Variants in GPSM3 observed in about 807,000 individuals in gnomAD.
GPSM3 encodes G protein signaling modulator 3.
In GPSM3, 16 loss-of-function variants were observed where a neutral mutation model predicts 20.4. The observed-to-expected ratio is 0.78, with a 90% CI of 0.53 to 1.19. The LOEUF is 1.19. GPSM3 is among the 50% of genes most tolerant of loss of function. The probability of loss-of-function intolerance (pLI) is 0.00; values close to 1 mark genes in which losing one functional copy is unlikely to be tolerated. For missense variants in GPSM3, 177 were observed against 204.6 expected (o/e 0.86, Z 0.82); for synonymous variants, 70 against 79.6 (o/e 0.88, Z 0.64).
In GPSM3 at chr6:32,192,299, G is replaced by A. The variant is rs373880053; in HGVS notation, c.43-49C>T. On this transcript the variant is annotated intron_variant, in intron 1 of 3. Transcript: ENST00000375040. This position sits in a 1 kb window ranked among gnomAD's most constrained non-coding sequence, Gnocchi z 5.1. ...TAGTCAAGCAGTGGTGGTTGAAGCG[G>A]GAGGAGTGGACAGGGGGCTAGGCCA... 2.4e-3 allele frequency: 3,511 copies of A among 1,446,220 alleles called. 119 individuals carry two copies. The South Asian group carries it at 0.04, about 16-fold the overall frequency. 89.6% of individuals were successfully genotyped at this position (1,446,220 alleles called of 1,614,324 possible).
Position 32,192,520 on chromosome 6 carries a change from G to C in GPSM3, c.-7C>G, listed in dbSNP as rs1197852668. ...GGGGTCTCTCAGCCTCCATCCCCTA[G>C]AGGGGAGAAACTGGTGGGGGAGGGG... On this transcript the variant is annotated 5_prime_UTR_variant, in exon 1 of 4. Transcript: ENST00000375040. The surrounding 1 kb of genome is among the most constrained non-coding windows in gnomAD (Gnocchi z 5.1). 1 of 1,584,398 alleles carries C rather than the reference G, an allele frequency of 6.3e-7. No individual in the cohort carries two copies. Among genetic ancestry groups the C allele is most frequent in the African/African-American group, 1.3e-5 (1 of 74,436 alleles).
In GPSM3 at chr6:32,191,707, A is replaced by G; in HGVS notation, c.345+2T>C. On this transcript the variant is annotated splice_donor_variant, in intron 3 of 3. Transcript: ENST00000375040. LOFTEE classifies it high-confidence loss of function. This position sits in a 1 kb window ranked among gnomAD's most constrained non-coding sequence, Gnocchi z 5.9. ...GGTTTGCCTCCTGGGGGGATGTCTTACCTGGTGACTGAGGATAGTGCTGTA... is the reference window on the plus strand; with the variant it reads ...GGTTTGCCTCCTGGGGGGATGTCTTGCCTGGTGACTGAGGATAGTGCTGTA... 6.3e-7 allele frequency: 1 copy of G among 1,599,806 alleles called. No homozygotes were observed. Among genetic ancestry groups the G allele is most frequent in the Middle Eastern group, 1.7e-4 (1 of 6,006 alleles).
In GPSM3 at chr6:32,191,845, G is replaced by C. The variant is rs766595176; in HGVS notation, c.209C>G (p.Ala70Gly). 1 of 1,612,306 alleles carries C rather than the reference G, an allele frequency of 6.2e-7. No individual in the cohort carries two copies. Among genetic ancestry groups the C allele is most frequent in the Non-Finnish European group, 8.5e-7 (1 of 1,179,830 alleles). Reference sequence around the variant, plus strand: ...CTCCAGGCGGCGGGACTGGGCTTCAGCCACCAGGTCCAGAAGGAGTTCAGT... The same window carrying C: ...CTCCAGGCGGCGGGACTGGGCTTCACCCACCAGGTCCAGAAGGAGTTCAGT... ...LQTELLLDLV[A>G]EAQSRRLEEQ... is the part of the protein sequence containing the mutation. Residue 70 changes from alanine to glycine, a missense_variant, in exon 3 of 4, where the codon GCT (alanine) becomes GGT (glycine). Ala to Gly is a moderately conservative substitution (Grantham distance 60, BLOSUM62 0). Coordinates refer to ENST00000375040, the MANE Select transcript of GPSM3 (RefSeq NM_001276501.2). This position sits in a 1 kb window ranked among gnomAD's most constrained non-coding sequence, Gnocchi z 5.9.
At chr6:32,193,930 G>A (rs1229828646), upstream of GPSM3, among the ~76,000 whole-genome samples, 1 of 152,216 alleles carries the variant, frequency 6.6e-6, no homozygotes, top group African/African-American at 2.4e-5. The surrounding 1 kb of genome is among the most constrained non-coding windows in gnomAD (Gnocchi z 4.7). Flanking sequence ...ATAGCTGAGT[G>A]ATTTGGAATG....
At chr6:32,195,268 G>T, upstream of GPSM3, 1 of 655,910 alleles carries the variant, frequency 1.5e-6, no homozygotes, top group Non-Finnish European at 2.5e-6. The surrounding 1 kb of genome is among the most constrained non-coding windows in gnomAD (Gnocchi z 5.4). Flanking sequence ...CAGAGCTGCA[G>T]CTTCTCCACG....
upstream of GPSM3, chr6:32,195,509 TGA>T (rs1296965396): frequency 6.2e-7 from 1 of 1,613,028 alleles, no homozygotes; most frequent in South Asian, 1.1e-5. The surrounding 1 kb of genome is among the most constrained non-coding windows in gnomAD (Gnocchi z 5.4). Flanking sequence ...CAAGTTGAGG[TGA>T]TCCCCGCTCC....
chr6:32,192,053 G>A lies in GPSM3; in HGVS notation c.145+95C>T, dbSNP rs750338147. On this transcript the variant is annotated intron_variant, in intron 2 of 3. Coordinates refer to ENST00000375040, the MANE Select transcript of GPSM3 (RefSeq NM_001276501.2). This position sits in a 1 kb window ranked among gnomAD's most constrained non-coding sequence, Gnocchi z 5.1. ...GGGGAATCCCAAGGGGAGTCTGGAG[G>A]AGGTGGGGAGAGGGCCCACAATGGA... 159 of 1,242,662 alleles carry A rather than the reference G, an allele frequency of 1.3e-4. No homozygotes were observed. The highest frequency in any genetic ancestry group is 1.5e-5 in the Non-Finnish European group (13 of 877,512). The allele number at this position is 1,242,662 out of a possible 1,614,324, so 77.0% of individuals were successfully genotyped here. A position where few individuals can be genotyped will look rare whatever the true frequency, so the allele number is the denominator to read the frequency against.
chr6:32,191,681 G>A lies in GPSM3; in HGVS notation c.345+28C>T, dbSNP rs770686786. The A allele has an allele frequency of 9.0e-6, 14 of 1,556,538 alleles. No homozygotes were observed. Among genetic ancestry groups the A allele is most frequent in the Admixed American group, 8.9e-5 (5 of 56,448 alleles). ...CAGGGGCCAAGAGACCAGGAGGCCT[G>A]GGTTTGCCTCCTGGGGGGATGTCTT... is the stretch of plus-strand genomic sequence containing the variant. On this transcript the variant is annotated intron_variant, in intron 3 of 3. Coordinates refer to ENST00000375040, the MANE Select transcript of GPSM3 (RefSeq NM_001276501.2). The surrounding 1 kb of genome is among the most constrained non-coding windows in gnomAD (Gnocchi z 5.9).
upstream of GPSM3, chr6:32,194,470 T>C (rs1310562972): frequency 2.6e-5 from 4 of 152,646 alleles, no homozygotes; most frequent in African/African-American, 9.7e-5. The surrounding 1 kb of genome is among the most constrained non-coding windows in gnomAD (Gnocchi z 4.5). Flanking sequence ...CAGTTCACAA[T>C]AGGGTTCGAG....
chr6:32,191,372 GGT>G lies in GPSM3; in HGVS notation c.475_476del (p.Thr159LeufsTer57). ...GCTGGTTGGGGCTCAAGTCTCAGCA[GGT>G]GTGTGTGGGGGGCCGGGACCTTTGC... is the stretch of plus-strand genomic sequence containing the variant. ...EEQRSRPPTH[T>X]C is the part of the protein sequence containing the mutation. On this transcript the variant is annotated frameshift_variant, in exon 4 of 4. Coordinates refer to ENST00000375040, the MANE Select transcript of GPSM3 (RefSeq NM_001276501.2). LOFTEE classifies it high-confidence loss of function. This position sits in a 1 kb window ranked among gnomAD's most constrained non-coding sequence, Gnocchi z 5.9. 1 of 1,583,772 alleles carries G rather than the reference GGT, an allele frequency of 6.3e-7. No homozygotes were observed. Among genetic ancestry groups the G allele is most frequent in the Admixed American group, 2.0e-5 (1 of 51,206 alleles).
Position 32,192,239 on chromosome 6 carries a change from C to T in GPSM3, c.54G>A (p.Gln18=). 6.6e-7 allele frequency: 1 copy of T among 1,518,362 alleles called. No individual in the cohort carries two copies. Among genetic ancestry groups the T allele is most frequent in the Non-Finnish European group, 8.8e-7 (1 of 1,133,496 alleles). 94.1% of individuals were successfully genotyped at this position (1,518,362 alleles called of 1,614,324 possible). A position where few individuals can be genotyped will look rare whatever the true frequency, so the allele number is the denominator to read the frequency against. Residue 18 remains glutamine (Q), a synonymous_variant, in exon 2 of 4, where the codon CAG becomes CAA. Transcript: ENST00000375040. The surrounding 1 kb of genome is among the most constrained non-coding windows in gnomAD (Gnocchi z 5.1). ...TTGGAGGGGGCCAGCCTTCCTCATC[C>T]TGAGGGGGGCCCTGATGCCAAAATA... ...EEEDGEQGPP[Q]DEEGWPPPNS... is the part of the protein sequence containing the mutation.
At chr6:32,195,286 T>C (rs41270468), upstream of GPSM3, 1,548 of 709,116 alleles carry the variant, frequency 2.2e-3, 7 homozygotes, top group Middle Eastern at 9.6e-3. The surrounding 1 kb of genome is among the most constrained non-coding windows in gnomAD (Gnocchi z 5.4). Context: ...ACGTGGAAGA[T>C]GTCTGCTCTG....
rs764141366 is a variant in GPSM3 at position 32,191,447 on chromosome 6, C to T, written c.402G>A (p.Glu134=). The T allele has an allele frequency of 2.5e-6, 4 of 1,591,102 alleles. No homozygotes were observed. The highest frequency in any genetic ancestry group is 1.4e-5 in the African/African-American group (1 of 73,352). ...SEPPLPPGGQ[E]LLELLLRVQG... is the part of the protein sequence containing the mutation. Reference sequence around the variant, plus strand: ...GAACTCTCAGCAGCAACTCCAGGAGCTCTTGCCCCCCTGGAGGGAGGGGAG... The same window carrying T: ...GAACTCTCAGCAGCAACTCCAGGAGTTCTTGCCCCCCTGGAGGGAGGGGAG... Residue 134 remains glutamate (E), a synonymous_variant, in exon 4 of 4, where the codon GAG becomes GAA. Transcript: ENST00000375040. This position sits in a 1 kb window ranked among gnomAD's most constrained non-coding sequence, Gnocchi z 5.9.
chr6:32,191,893 G>A lies in GPSM3; in HGVS notation c.161C>T (p.Ser54Leu), dbSNP rs773232595. ...GTRHTALGPR[S>L]ASLLSLQTEL... is the part of the protein sequence containing the mutation. ...AGTCTGCAGGGAGAGCAGGGAGGCC[G>A]AGCGGGGTCCCAGGGCTGGGGAGAG... Residue 54 changes from serine to leucine, a missense_variant, in exon 3 of 4, where the codon TCG becomes TTG. Transcript: ENST00000375040. The surrounding 1 kb of genome is among the most constrained non-coding windows in gnomAD (Gnocchi z 5.9). The A allele has an allele frequency of 5.6e-6, 9 of 1,611,222 alleles. No homozygotes were observed. The highest frequency in any genetic ancestry group is 2.1e-4 in the Middle Eastern group (1 of 4,840).
Position 32,192,493 on chromosome 6 carries a change from C to A in GPSM3, c.21G>T (p.Gln7His), listed in dbSNP as rs1787605375. The change falls in exon 1 of 4, where the codon CAG becomes CAT. Residue 7 changes from glutamine to histidine, a missense_variant. Physicochemically the swap from Gln to His is conservative, Grantham distance 24. Coordinates refer to ENST00000375040, the MANE Select transcript of GPSM3 (RefSeq NM_001276501.2). The surrounding 1 kb of genome is among the most constrained non-coding windows in gnomAD (Gnocchi z 5.1). Reference protein sequence around the residue: MEAERPQEEEDGEQGPP... With the variant: MEAERPHEEEDGEQGPP... ...TCACCTGCTCACCATCCTCTTCTTC[C>A]TGGGGTCTCTCAGCCTCCATCCCCT... is the stretch of plus-strand genomic sequence containing the variant. 3.8e-6 allele frequency: 6 copies of A among 1,591,724 alleles called. No individual in the cohort carries two copies. The highest frequency in any genetic ancestry group is 5.1e-6 in the Non-Finnish European group (6 of 1,168,362).
Position 32,191,831 on chromosome 6 carries a change from G to A in GPSM3, c.223C>T (p.Arg75Cys), listed in dbSNP as rs756966720. ...LLDLVAEAQSRRLEEQRATFY... is the reference protein window; with the variant it reads ...LLDLVAEAQSCRLEEQRATFY... ...GTGGCCCTCTGCTCCTCCAGGCGGCGGGACTGGGCTTCAGCCACCAGGTCC... is the reference window on the plus strand; with the variant it reads ...GTGGCCCTCTGCTCCTCCAGGCGGCAGGACTGGGCTTCAGCCACCAGGTCC... The change falls in exon 3 of 4, where the codon CGC becomes TGC. Residue 75 changes from arginine to cysteine, a missense_variant. By Grantham distance (180) the Arg-to-Cys change is radical. Transcript: ENST00000375040. The surrounding 1 kb of genome is among the most constrained non-coding windows in gnomAD (Gnocchi z 5.9). 1.8e-5 allele frequency: 29 copies of A among 1,612,454 alleles called. No homozygotes were observed. Among genetic ancestry groups the A allele is most frequent in the Middle Eastern group, 1.7e-4 (1 of 5,854 alleles).
upstream of GPSM3, chr6:32,192,777 C>T (rs1787632455): frequency 2.5e-6 from 1 of 392,254 alleles, no homozygotes; most frequent in Non-Finnish European, 4.5e-6. The surrounding 1 kb of genome is among the most constrained non-coding windows in gnomAD (Gnocchi z 5.1). Context: ...CTGGGAAAAA[C>T]TCCTCCAGCT....
chr6:32,194,397 C>T (rs1317865718), upstream of GPSM3: 1 of 152,090 alleles, frequency 6.6e-6, no homozygotes, highest in African/African-American at 2.4e-5. The surrounding 1 kb of genome is among the most constrained non-coding windows in gnomAD (Gnocchi z 4.5). Flanking sequence ...GAAACTGTTC[C>T]ACCCCAGATC....
chr6:32,192,283 A>G lies in GPSM3; in HGVS notation c.43-33T>C. The G allele has an allele frequency of 6.7e-7, 1 of 1,498,746 alleles. No homozygotes were observed. The highest frequency in any genetic ancestry group is 2.1e-5 in the Admixed American group (1 of 48,348). 92.8% of individuals were successfully genotyped at this position (1,498,746 alleles called of 1,614,324 possible). On this transcript the variant is annotated intron_variant, in intron 1 of 3. Coordinates refer to ENST00000375040, the MANE Select transcript of GPSM3 (RefSeq NM_001276501.2). This position sits in a 1 kb window ranked among gnomAD's most constrained non-coding sequence, Gnocchi z 5.1. ...CAAAATATGTCCATTCTAGTCAAGC[A>G]GTGGTGGTTGAAGCGGGAGGAGTGG...
Sources: gnomAD v4.1 joint callset for allele counts (sites outside exome capture counted in the v4.1 genomes callset) on GRCh38, gnomAD v4.1.1 for gene constraint, Gnocchi (gnomAD v3.1) non-coding constraint, MANE v1.5 for transcripts, NCBI Gene and HGNC (gene_info 2026-07-23, HGNC 2026-07-21) for gene names.